The following RIMS1 variants were observed in gnomAD, a reference collection of about 807,000 sequenced individuals.
RIMS1 encodes regulating synaptic membrane exocytosis 1, also known as regulating synaptic membrane exocytosis protein 1.
RIMS1 carries 83 observed loss-of-function variants against 214.1 expected under a neutral mutation model. The ratio of observed to expected loss-of-function variants is 0.39; its 90% CI spans 0.32 to 0.47. The LOEUF is 0.47. RIMS1 is among the 20% of genes least tolerant of loss of function. The pLI is 0.99. For synonymous variants in RIMS1, 793 were observed against 786.8 expected, an observed-to-expected ratio of 1.01 and a Z score of -0.13; for missense variants, 2,050 against 2,161.8, an observed-to-expected ratio of 0.95 and a Z score of 1.03.
At chr6:72,203,457 C>T (rs2052385802) in intron 6 of RIMS1, among the ~76,000 whole-genome samples, 1 of 152,102 alleles carries the variant, frequency 6.6e-6, no homozygotes, top group African/African-American at 2.4e-5. Context: ...GAAGGAAAGA[C>T]AAGCATACAC....
rs1767964811 is a variant in RIMS1, at chr6:71,887,161, G to A, written c.138G>A (p.Glu46=). 2 of 1,611,298 alleles carry A rather than the reference G, an allele frequency of 1.2e-6. No individual in the cohort carries two copies. Among genetic ancestry groups the A allele is most frequent in the Non-Finnish European group, 1.7e-6 (2 of 1,178,792 alleles). The change falls in exon 1 of 34, where the codon GAG becomes GAA. Residue 46 remains glutamate (E), a synonymous_variant. Transcript: ENST00000521978. ...CAGTGATGGACCGGCAGAAGGAAGA[G>A]GAGGAAAAAGAAGAAGCCATGCTCA... ...IMAVMDRQKE[E]EEKEEAMLKC...
At chr6:72,346,213 T>A (rs1376891029) in intron 29 of RIMS1, among the ~76,000 whole-genome samples, 1 of 151,772 alleles carries the variant, frequency 6.6e-6, no homozygotes, top group Admixed American at 6.6e-5. Context: ...TTTTAATAAT[T>A]CTGGGGAACC....
chr6:72,179,681 T>G lies in RIMS1; in HGVS notation c.578T>G (p.Leu193Arg), dbSNP rs2048174025. Residue 193 changes from leucine (L) to arginine (R), a missense_variant, in exon 5 of 34, where the codon CTG becomes CGG. Physicochemically the swap from Leu to Arg is moderately radical, Grantham distance 102. Coordinates refer to ENST00000521978, the MANE Select transcript of RIMS1 (RefSeq NM_014989.7). ...GPQQTSQDGT[L>R]SDTATGAGSE... ...CAGCAGACAAGTCAGGATGGAACCC[T>G]GAGTGATACAGCTACAGGTGCTGGC... 1 of 1,613,832 alleles carries G rather than the reference T, an allele frequency of 6.2e-7. No homozygotes were observed. Among genetic ancestry groups the G allele is most frequent in the Non-Finnish European group, 8.5e-7 (1 of 1,179,878 alleles).
chr6:72,209,274 T>C (rs377461747), intron 6 of RIMS1, among the ~76,000 whole-genome samples: 263 of 152,332 alleles, frequency 1.7e-3, no homozygotes, highest in Non-Finnish European at 3.2e-3. Context: ...AGGCATTTTA[T>C]AACCGGAGTT....
chr6:72,125,770 C>G (rs1423088168), intron 4 of RIMS1, among the ~76,000 whole-genome samples: 2 of 152,206 alleles, frequency 1.3e-5, no homozygotes, highest in East Asian at 3.9e-4. Flanking sequence ...GAGCAAGACT[C>G]TGTGGACGTG....
intron 10 of RIMS1, among the ~76,000 whole-genome samples, chr6:72,243,453 GTGT>G (rs2067919874): frequency 6.6e-6 from 1 of 151,858 alleles, no homozygotes; most frequent in Non-Finnish European, 1.5e-5. Context: ...ATTTGCAAAA[GTGT>G]TGTACATTTC....
chr6:71,963,406 T>G (rs538145404), intron 1 of RIMS1, among the ~76,000 whole-genome samples: 15 of 152,258 alleles, frequency 9.9e-5, no homozygotes, highest in African/African-American at 3.4e-4. Flanking sequence ...TGTGAGTATT[T>G]TGGTACATGA....
At chr6:72,296,571 C>T (rs1290192812) in intron 26 of RIMS1, among the ~76,000 whole-genome samples, 4 of 151,926 alleles carry the variant, frequency 2.6e-5, no homozygotes, top group Non-Finnish European at 5.9e-5. Flanking sequence ...TTGCAGGCTT[C>T]CCCCTACAGT....
At chr6:72,261,527 C>T (rs768978169) in intron 19 of RIMS1, 170 of 921,968 alleles carry the variant, frequency 1.8e-4, no homozygotes, top group Non-Finnish European at 2.1e-4. Context: ...GGAACATATT[C>T]TATAAATACT....
intron 1 of RIMS1, among the ~76,000 whole-genome samples, chr6:71,894,170 C>T (rs189643456): frequency 1.2e-3 from 186 of 152,270 alleles, no homozygotes; most frequent in African/African-American, 3.9e-3. Flanking sequence ...ATCAGCCAGG[C>T]GTGGTGGCTC....
At chr6:72,212,291 T>C (rs1454297964) in intron 6 of RIMS1, among the ~76,000 whole-genome samples, 3 of 151,280 alleles carry the variant, frequency 2.0e-5, no homozygotes, top group Non-Finnish European at 4.4e-5. Context: ...TGTATTAGTT[T>C]TGTAGCATGT....
intron 17 of RIMS1, 119 bp downstream of exon 17, chr6:72,258,400 T>C: frequency 8.7e-7 from 1 of 1,144,352 alleles, no homozygotes; most frequent in Non-Finnish European, 1.2e-6. Context: ...TTTTTCAGAA[T>C]TAATTGTAGG....
intron 4 of RIMS1, among the ~76,000 whole-genome samples, chr6:72,152,601 ATG>A (rs1430738778): frequency 6.6e-6 from 1 of 151,764 alleles, no homozygotes; most frequent in Admixed American, 6.6e-5. Context: ...ATGTGCTTGC[ATG>A]TGTTTGATAT....
At chr6:71,918,217 A>G (rs1028598890) in intron 1 of RIMS1, among the ~76,000 whole-genome samples, 1 of 152,128 alleles carries the variant, frequency 6.6e-6, no homozygotes, top group African/African-American at 2.4e-5. Context: ...TAATTATTAA[A>G]TGGAGAGAAG....
At chr6:72,000,514 T>G (rs769887954) in intron 2 of RIMS1, among the ~76,000 whole-genome samples, 7 of 152,200 alleles carry the variant, frequency 4.6e-5, no homozygotes, top group Admixed American at 3.3e-4. Flanking sequence ...TAATCACACT[T>G]AAATACTCTT....
chr6:72,364,254 G>A (rs1318053214), intron 29 of RIMS1, among the ~76,000 whole-genome samples: 1 of 151,884 alleles, frequency 6.6e-6, no homozygotes, highest in Non-Finnish European at 1.5e-5. Flanking sequence ...AAAGCTTACT[G>A]CCCCTTCTGA....
At chr6:71,899,903 C>A (rs1220222980) in intron 1 of RIMS1, among the ~76,000 whole-genome samples, 2 of 152,026 alleles carry the variant, frequency 1.3e-5, no homozygotes, top group Admixed American at 1.3e-4. Flanking sequence ...TTCATTTGTT[C>A]TTGAAGCAAA....
At chr6:72,035,554 T>C (rs1819394926) in intron 2 of RIMS1, among the ~76,000 whole-genome samples, 1 of 152,160 alleles carries the variant, frequency 6.6e-6, no homozygotes, top group South Asian at 2.1e-4. Flanking sequence ...CCCCCATTTC[T>C]TCTCTCATCT....
At chr6:72,329,571 G>C (rs954421105) in intron 28 of RIMS1, among the ~76,000 whole-genome samples, 28 of 150,548 alleles carry the variant, frequency 1.9e-4, no homozygotes, top group African/African-American at 6.1e-4. Context: ...ACTTTACAAA[G>C]AATATAAAAT....
Sources: gnomAD v4.1 joint callset for allele counts (sites outside exome capture counted in the v4.1 genomes callset) on GRCh38, gnomAD v4.1.1 for gene constraint, MANE v1.5 for transcripts, NCBI Gene and HGNC (gene_info 2026-07-23, HGNC 2026-07-21) for gene names.